The following KIAA0930 variants were observed in gnomAD, a reference collection of about 807,000 sequenced individuals.
KIAA0930 encodes the protein KIAA0930.
Under a neutral mutation model 43.9 loss-of-function variants are expected in KIAA0930, and 24 were observed. The ratio of observed to expected loss-of-function variants is 0.55; its 90% CI spans 0.40 to 0.77. The LOEUF is 0.77. KIAA0930 is among the 30% of genes least tolerant of loss of function. The pLI, the probability that KIAA0930 is intolerant of heterozygous loss-of-function variation, is 0.00. For synonymous variants in KIAA0930, 259 were observed against 216.4 expected, an observed-to-expected ratio of 1.20 and a Z score of -1.73; for missense variants, 461 against 574.2, an observed-to-expected ratio of 0.80 and a Z score of 2.02.
In KIAA0930 at chr22:45,205,751, C is replaced by T. The variant is rs764774141; in HGVS notation, c.336+42G>A. ...CAGCGTGCAGGGAGGGGTCAGCCAT[C>T]CCACAGGGCCAATCCGCAGCCCCAC... On this transcript the variant is annotated intron_variant, in intron 3 of 9. Transcript: ENST00000336156. The T allele has an allele frequency of 2.5e-6, 4 of 1,612,522 alleles. No homozygotes were observed. The South Asian group carries it at 3.3e-5, about 13-fold the overall frequency.
intron 1 of KIAA0930, among the ~76,000 whole-genome samples, chr22:45,228,770 C>CCACCCCCG (rs2083821755): frequency 7.5e-5 from 2 of 26,838 alleles, no homozygotes; most frequent in Non-Finnish European, 1.3e-4. Context: ...AAGATCCCTC[C>CCACCCCCG]CCATCCCCCC....
chr22:45,232,288 G>A (rs1020864109), intron 1 of KIAA0930, among the ~76,000 whole-genome samples: 4 of 152,224 alleles, frequency 2.6e-5, no homozygotes, highest in African/African-American at 7.2e-5. Context: ...TTTGTATTCT[G>A]CTTTTCTCCC....
chr22:45,210,708 C>T lies in KIAA0930; in HGVS notation c.216+1248G>A, dbSNP rs1482837263. Among the ~76,000 whole-genome samples, 5 of 103,330 alleles carry T rather than the reference C, an allele frequency of 4.8e-5. No individual in the cohort carries two copies. The East Asian group carries it at 1.7e-3, about 36-fold the overall frequency. 67.8% of individuals were successfully genotyped at this position (103,330 alleles called of 152,430 possible). ...TCCAGAAGGTTCTTACTCGGGGATCCCATCACCAGTCAGGCCTCCTCTTCA... is the reference window on the plus strand; with the variant it reads ...TCCAGAAGGTTCTTACTCGGGGATCTCATCACCAGTCAGGCCTCCTCTTCA... On this transcript the variant is annotated intron_variant, in intron 2 of 9. Coordinates refer to ENST00000336156, the MANE Select transcript of KIAA0930 (RefSeq NM_001009880.2).
chr22:45,197,969 T>G, intron 8 of KIAA0930, 21 bp from the exon 9 acceptor site: 3 of 1,612,850 alleles, frequency 1.9e-6, no homozygotes, highest in Non-Finnish European at 2.5e-6. Context: ...GAAGGCCAGG[T>G]CAAGGCCCCC....
chr22:45,212,219 G>A (rs772915437), intron 1 of KIAA0930, 112 bp from the exon 2 acceptor site: 5 of 1,612,926 alleles, frequency 3.1e-6, no homozygotes, highest in South Asian at 2.2e-5. Flanking sequence ...AAATTTGCGA[G>A]GGCTCTGAGA....
chr22:45,219,596 T>TG (rs1434220805), intron 1 of KIAA0930, among the ~76,000 whole-genome samples: 1 of 144,758 alleles, frequency 6.9e-6, no homozygotes, highest in Admixed American at 6.9e-5. Flanking sequence ...TTTTTTTTTT[T>TG]TTTTTTTTTT....
At chr22:45,205,770 G>GGGGGGGCCC in intron 3 of KIAA0930, 23 bp downstream of exon 3, 2 of 1,523,778 alleles carry the variant, frequency 1.3e-6, no homozygotes, top group Non-Finnish European at 1.8e-6. Context: ...CCAATCCGCA[G>GGGGGGGCCC]CCCCACCCAT....
intron 1 of KIAA0930, among the ~76,000 whole-genome samples, chr22:45,225,946 C>T (rs889653641): frequency 6.6e-6 from 1 of 152,264 alleles, no homozygotes; most frequent in African/African-American, 2.4e-5. Flanking sequence ...CCCCACCTGC[C>T]TGCAAAGCCA....
Position 45,232,537 on chromosome 22 carries a change from T to A in KIAA0930, c.64+8103A>T, listed in dbSNP as rs532360553. ...TGTTTGAGACAGTCGGGGTCCACTCTGAGTCTCCCCTGTCTGTGTCAGTGA... is the reference window on the plus strand; with the variant it reads ...TGTTTGAGACAGTCGGGGTCCACTCAGAGTCTCCCCTGTCTGTGTCAGTGA... On this transcript the variant is annotated intron_variant, in intron 1 of 9. Transcript: ENST00000336156. 3.9e-5 allele frequency among the ~76,000 whole-genome samples: 6 copies of A among 152,194 alleles called. No homozygotes were observed. In the South Asian group the frequency reaches 8.3e-4, roughly 21 times the overall value.
At chr22:45,206,702 T>G (rs975069774) in intron 2 of KIAA0930, among the ~76,000 whole-genome samples, 4 of 14,938 alleles carry the variant, frequency 2.7e-4, no homozygotes, top group Non-Finnish European at 6.3e-4. Context: ...TGGCTTCCAA[T>G]TTTTTTTTTT....
intron 1 of KIAA0930, among the ~76,000 whole-genome samples, chr22:45,221,442 G>A (rs953025649): frequency 2.5e-4 from 38 of 152,208 alleles, no homozygotes; most frequent in African/African-American, 8.4e-4. Flanking sequence ...TAGGGTTATA[G>A]TTTGCCAACA....
At chr22:45,222,390 C>T (rs1315050951) in intron 1 of KIAA0930, among the ~76,000 whole-genome samples, 1 of 152,206 alleles carries the variant, frequency 6.6e-6, no homozygotes, top group Non-Finnish European at 1.5e-5. Flanking sequence ...ATCACTGCAA[C>T]TTTGACCTCA....
chr22:45,216,589 CTT>C (rs1006392607), intron 1 of KIAA0930, among the ~76,000 whole-genome samples: 2 of 152,152 alleles, frequency 1.3e-5, no homozygotes, highest in Non-Finnish European at 2.9e-5. Flanking sequence ...ACTGCTGACT[CTT>C]TCTCCCACAA....
intron 1 of KIAA0930, among the ~76,000 whole-genome samples, chr22:45,231,621 C>T (rs137872704): frequency 1.2e-3 from 186 of 152,256 alleles, no homozygotes; most frequent in African/African-American, 4.0e-3. Flanking sequence ...ATATATATGA[C>T]CTCCACAAAT....
intron 1 of KIAA0930, among the ~76,000 whole-genome samples, chr22:45,227,735 C>G (rs765359749): frequency 2.6e-5 from 4 of 152,208 alleles, no homozygotes; most frequent in African/African-American, 4.8e-5. Flanking sequence ...ACGGGCCCCA[C>G]TGAACTTCAG....
At chr22:45,204,649 T>G (rs2083619617) in intron 5 of KIAA0930, among the ~76,000 whole-genome samples, 1 of 151,594 alleles carries the variant, frequency 6.6e-6, no homozygotes, top group Non-Finnish European at 1.5e-5. Flanking sequence ...GACCAGGGCC[T>G]CAACAGAGGA....
chr22:45,217,148 G>T (rs1263198121), intron 1 of KIAA0930, among the ~76,000 whole-genome samples: 1 of 151,992 alleles, frequency 6.6e-6, no homozygotes, highest in African/African-American at 2.4e-5. Context: ...AATACTTGAG[G>T]TCAGGAGTTC....
chr22:45,208,780 CAG>C (rs1300396354), intron 2 of KIAA0930, among the ~76,000 whole-genome samples: 5 of 152,238 alleles, frequency 3.3e-5, no homozygotes, highest in African/African-American at 1.2e-4. Flanking sequence ...AGACTGGGGA[CAG>C]GGCTTCGCCG....
intron 1 of KIAA0930, among the ~76,000 whole-genome samples, chr22:45,225,357 G>A (rs907039149): frequency 1.3e-5 from 2 of 152,182 alleles, no homozygotes; most frequent in Non-Finnish European, 2.9e-5. Context: ...CGTGAGCAGT[G>A]CCATGCCCTC....
Sources: gnomAD v4.1 joint callset for allele counts (sites outside exome capture counted in the v4.1 genomes callset) on GRCh38, gnomAD v4.1.1 for gene constraint, MANE v1.5 for transcripts, NCBI Gene and HGNC (gene_info 2026-07-23, HGNC 2026-07-21) for gene names.